NALF1: variants seen among roughly 807,000 people sequenced by gnomAD.
NALF1 encodes the protein family with sequence similarity 155 member A.
A neutral mutation model predicts 48.4 loss-of-function variants in NALF1; 3 were observed. That is an observed-to-expected ratio of 0.06 (90% confidence interval 0.03 to 0.16). NALF1 has a LOEUF of 0.16. Among genes scored for constraint, NALF1 ranks in the 10% least tolerant of loss-of-function variants. NALF1 has a pLI of 1.00. For missense variants in NALF1, 526 were observed against 571.5 expected (o/e 0.92, Z 0.81); for synonymous variants, 262 against 245.7 (o/e 1.07, Z -0.62).
chr13:107,501,252 G>A (rs537595165), intron 1 of NALF1, among the ~76,000 whole-genome samples: 2 of 152,094 alleles, frequency 1.3e-5, no homozygotes, highest in East Asian at 3.9e-4. Flanking sequence ...TATTCCTGAG[G>A]CTCCACCCTC....
chr13:107,291,663 C>G (rs993302206), intron 1 of NALF1, among the ~76,000 whole-genome samples: 1 of 152,096 alleles, frequency 6.6e-6, no homozygotes, highest in South Asian at 2.1e-4. Flanking sequence ...AAACTCCCCT[C>G]TGATATGATT....
intron 1 of NALF1, among the ~76,000 whole-genome samples, chr13:107,397,807 T>A (rs905981725): frequency 6.6e-6 from 1 of 152,110 alleles, no homozygotes; most frequent in East Asian, 1.9e-4. Flanking sequence ...ATAAAAAAAA[T>A]TACTTTGAAG....
chr13:107,394,812 A>G (rs1883683983), intron 1 of NALF1, among the ~76,000 whole-genome samples: 1 of 152,142 alleles, frequency 6.6e-6, no homozygotes, highest in Non-Finnish European at 1.5e-5. Context: ...CTAGCAGCCA[A>G]AAGATGGCCT....
chr13:107,536,158 C>T (rs566089408), intron 1 of NALF1, among the ~76,000 whole-genome samples: 37 of 152,188 alleles, frequency 2.4e-4, no homozygotes, highest in Non-Finnish European at 4.9e-4. Context: ...ATTCAGGACA[C>T]AGGCATGGGC....
At chr13:107,519,002 C>T (rs773337362) in intron 1 of NALF1, among the ~76,000 whole-genome samples, 2 of 152,070 alleles carry the variant, frequency 1.3e-5, no homozygotes, top group Non-Finnish European at 2.9e-5. Context: ...AGGGAAATGG[C>T]GCAACACTCA....
At chr13:107,438,976 T>G (rs1235259086) in intron 1 of NALF1, among the ~76,000 whole-genome samples, 1 of 151,952 alleles carries the variant, frequency 6.6e-6, no homozygotes, top group Non-Finnish European at 1.5e-5. Flanking sequence ...GTTTTTGGTA[T>G]TTTTATTTGA....
chr13:107,828,298 C>G (rs10508197), intron 1 of NALF1, among the ~76,000 whole-genome samples: 5,805 of 152,140 alleles, frequency 0.038, 350 homozygotes, highest in East Asian at 0.28. Context: ...GCGTGTGGTT[C>G]TAATCTGCAG....
chr13:107,455,787 T>C (rs552206974), intron 1 of NALF1, among the ~76,000 whole-genome samples: 2 of 152,308 alleles, frequency 1.3e-5, no homozygotes, highest in African/African-American at 4.8e-5. Context: ...GAATGATATG[T>C]AGCCTTCAGA....
chr13:107,653,783 A>G (rs1163042319), intron 1 of NALF1, among the ~76,000 whole-genome samples: 3 of 152,020 alleles, frequency 2.0e-5, no homozygotes, highest in African/African-American at 7.2e-5. Context: ...CCCATCTCAC[A>G]CCACACACAC....
chr13:107,280,900 T>A (rs570855465), intron 1 of NALF1, among the ~76,000 whole-genome samples: 8 of 152,338 alleles, frequency 5.3e-5, no homozygotes, highest in African/African-American at 1.9e-4. Flanking sequence ...AGGCACATGA[T>A]CAAAAAGAGA....
At chr13:107,175,685 TC>T (rs1878912039) in intron 2 of NALF1, among the ~76,000 whole-genome samples, 1 of 152,204 alleles carries the variant, frequency 6.6e-6, no homozygotes, top group Admixed American at 6.5e-5. Context: ...GGCCATTATT[TC>T]TTTGCCTTAT....
chr13:107,215,636 A>G (rs1879857788), intron 1 of NALF1, among the ~76,000 whole-genome samples: 1 of 152,204 alleles, frequency 6.6e-6, no homozygotes, highest in African/African-American at 2.4e-5. Flanking sequence ...GTTACATGCA[A>G]ATCTGGACAA....
At chr13:107,832,696 A>G (rs1396007454) in intron 1 of NALF1, among the ~76,000 whole-genome samples, 4 of 152,146 alleles carry the variant, frequency 2.6e-5, no homozygotes, top group African/African-American at 4.8e-5. Flanking sequence ...GGCAGCCAGA[A>G]GCCTTTGTCC....
chr13:107,394,839 G>GA lies in NALF1; in HGVS notation c.916-184085dup, dbSNP rs1883685397. Among the ~76,000 whole-genome samples the GA allele has an allele frequency of 2.0e-5, 3 of 152,032 alleles. 1 individual carries two copies. The South Asian group carries it at 6.2e-4, about 31-fold the overall frequency. ...AGATGGCCTGGAAGGAACAATAGGA[G>GA]AAAAAACAAAAACAAGGAACAGGGA... On this transcript the variant is annotated intron_variant, in intron 1 of 2. Transcript: ENST00000375915.
At chr13:107,516,862 A>C (rs1328954631) in intron 1 of NALF1, among the ~76,000 whole-genome samples, 1 of 152,208 alleles carries the variant, frequency 6.6e-6, no homozygotes, top group Non-Finnish European at 1.5e-5. Context: ...AATTTGCAAA[A>C]GTGGACATGA....
intron 1 of NALF1, among the ~76,000 whole-genome samples, chr13:107,223,021 G>A (rs1209368186): frequency 6.6e-6 from 1 of 152,004 alleles, no homozygotes; most frequent in Non-Finnish European, 1.5e-5. Context: ...CATTTTCTCC[G>A]ATACATTTTT....
At chr13:107,348,797 T>C (rs1031381051) in intron 1 of NALF1, among the ~76,000 whole-genome samples, 1 of 152,226 alleles carries the variant, frequency 6.6e-6, no homozygotes, top group South Asian at 2.1e-4. Context: ...TATAGTTTTA[T>C]ATCACTTAAA....
chr13:107,642,450 T>A (rs1880185675), intron 1 of NALF1, among the ~76,000 whole-genome samples: 2 of 152,210 alleles, frequency 1.3e-5, no homozygotes, highest in African/African-American at 4.8e-5. Flanking sequence ...ATAGACATCA[T>A]ATGCCCAGCA....
chr13:107,842,600 T>C (rs2138636064), intron 1 of NALF1, among the ~76,000 whole-genome samples: 1 of 151,716 alleles, frequency 6.6e-6, no homozygotes, highest in South Asian at 2.1e-4. Flanking sequence ...AAAAGAGTTT[T>C]ATATTTAAAT....
Sources: allele counts gnomAD v4.1 joint callset (sites outside exome capture counted in the v4.1 genomes callset), GRCh38; gene constraint gnomAD v4.1.1; transcripts MANE v1.5; gene names NCBI Gene and HGNC (gene_info 2026-07-23, HGNC 2026-07-21).